The following NECTIN4 variants were observed in gnomAD, a reference collection of about 807,000 sequenced individuals.
The protein encoded by NECTIN4 is nectin cell adhesion molecule 4.
Under a neutral mutation model 51.7 loss-of-function variants are expected in NECTIN4, and 19 were observed. The ratio of observed to expected loss-of-function variants is 0.37; its 90% CI spans 0.26 to 0.54. The LOEUF (loss-of-function observed/expected upper bound fraction) is 0.54. Among genes scored for constraint, NECTIN4 ranks in the 20% least tolerant of loss-of-function variants. NECTIN4 has a pLI of 0.86. For missense variants in NECTIN4, 619 were observed against 662.4 expected (o/e 0.93, Z 0.72); for synonymous variants, 283 against 286.9 (o/e 0.99, Z 0.14).
In NECTIN4 at chr1:161,077,252, TAAGGACACAG is replaced by T. The variant is rs530451705; in HGVS notation, c.730+191_730+200del. ...AACAAGGCAATCTCCTTTGTAAAGA[TAAGGACACAG>T]AAGCTCAGAGAGGTCTATCCTCTGG... On this transcript the variant is annotated intron_variant, in intron 3 of 8. Transcript: ENST00000368012. Among the ~76,000 whole-genome samples, 365 of 152,318 alleles carry T rather than the reference TAAGGACACAG, an allele frequency of 2.4e-3. 2 individuals are homozygous for T. The highest frequency in any genetic ancestry group is 3.8e-3 in the Admixed American group (58 of 15,306).
chr1:161,075,133 C>T (rs756931931), intron 4 of NECTIN4, among the ~76,000 whole-genome samples: 1 of 152,198 alleles, frequency 6.6e-6, no homozygotes, highest in Non-Finnish European at 1.5e-5. Context: ...CTCCAACACC[C>T]GTGATGTTGC....
Position 161,072,096 on chromosome 1 carries a change from G to A in NECTIN4, c.*565C>T, listed in dbSNP as rs1288281063. 1 of 191,202 alleles carries A rather than the reference G, an allele frequency of 5.2e-6. No homozygotes were observed. The highest frequency in any genetic ancestry group is 2.3e-5 in the African/African-American group (1 of 42,966). 11.8% of individuals were successfully genotyped at this position (191,202 alleles called of 1,614,324 possible). A position where few individuals can be genotyped will look rare whatever the true frequency, so the allele number is the denominator to read the frequency against. Reference sequence around the variant, plus strand: ...TTGCCCCCATGGCTCCGAAGTGGTAGGAGACAGGTTCCCTCACACCGGAGG... The same window carrying A: ...TTGCCCCCATGGCTCCGAAGTGGTAAGAGACAGGTTCCCTCACACCGGAGG... On this transcript the variant is annotated 3_prime_UTR_variant, in exon 9 of 9. Transcript: ENST00000368012.
chr1:161,076,596 T>A, intron 3 of NECTIN4, 121 bp from the exon 4 acceptor site: 1 of 1,378,360 alleles, frequency 7.3e-7, no homozygotes, highest in Non-Finnish European at 1.0e-6. Flanking sequence ...TTCTCCATCC[T>A]ACTCATCTGC....
chr1:161,089,125 T>C lies in NECTIN4; in HGVS notation c.79+93A>G, dbSNP rs1654076298. The C allele has an allele frequency of 9.3e-7, 1 of 1,074,264 alleles. No homozygotes were observed. Among genetic ancestry groups the C allele is most frequent in the Admixed American group, 1.7e-5 (1 of 59,316 alleles). The allele number at this position is 1,074,264 out of a possible 1,614,324, so 66.5% of individuals were successfully genotyped here. On this transcript the variant is annotated intron_variant, in intron 1 of 8. Coordinates refer to ENST00000368012, the MANE Select transcript of NECTIN4 (RefSeq NM_030916.3). The surrounding 1 kb of genome is among the most constrained non-coding windows in gnomAD (Gnocchi z 4.1). ...AGAGTCAAAGAAAGGAGGATATGTG[T>C]GTGCGTGCGTGTGTGTCTATGTGTT...
chr1:161,074,308 T>G lies in NECTIN4; in HGVS notation c.1066A>C (p.Ile356Leu). 6.2e-7 allele frequency: 1 copy of G among 1,613,758 alleles called. No homozygotes were observed. Among genetic ancestry groups the G allele is most frequent in the Non-Finnish European group, 8.5e-7 (1 of 1,179,916 alleles). ...AGAAGGCAGAACAAGAGTGCGGCGA[T>G]CACACCCACCACCACCACCGAGGCT... is the stretch of plus-strand genomic sequence containing the variant. Reference protein sequence around the residue: ...VSASVVVVGVIAALLFCLLVV... With the variant: ...VSASVVVVGVLAALLFCLLVV... The change falls in exon 6 of 9, where the codon ATC becomes CTC. Residue 356 changes from isoleucine (I) to leucine (L), a missense_variant. Coordinates refer to ENST00000368012, the MANE Select transcript of NECTIN4 (RefSeq NM_030916.3).
At chr1:161,088,066 A>C (rs1406513106) in intron 1 of NECTIN4, among the ~76,000 whole-genome samples, 2 of 152,176 alleles carry the variant, frequency 1.3e-5, no homozygotes, top group Non-Finnish European at 2.9e-5. Context: ...AGGGGATGGC[A>C]GGGGTAGGAG....
chr1:161,084,597 A>G (rs2101676190), intron 1 of NECTIN4: 1 of 152,308 alleles, frequency 6.6e-6, no homozygotes, highest in East Asian at 1.9e-4. Flanking sequence ...GGAACTTGCC[A>G]TTAAGGACTC....
intron 1 of NECTIN4, chr1:161,084,734 G>T (rs1005881004): frequency 1.3e-5 from 2 of 152,286 alleles, no homozygotes; most frequent in East Asian, 3.9e-4. Flanking sequence ...GGCCCCCCAA[G>T]GAGGCCTCTC....
Position 161,074,371 on chromosome 1 carries a change from G to C in NECTIN4, c.1003C>G (p.Pro335Ala). Reference sequence around the variant, plus strand: ...ACCTGCTTCCCAGAGTCTTCCTGGGGGTCTGCTGGAGACAGGCCACTGTCT... The same window carrying C: ...ACCTGCTTCCCAGAGTCTTCCTGGGCGTCTGCTGGAGACAGGCCACTGTCT... Reference protein sequence around the residue: ...DSQVTVDVLDPQEDSGKQVDL... With the variant: ...DSQVTVDVLDAQEDSGKQVDL... Residue 335 changes from proline (P) to alanine (A), a missense_variant and splice_region_variant, in exon 6 of 9, where the codon CCC (proline) becomes GCC (alanine). Physicochemically the swap from Pro to Ala is conservative, Grantham distance 27 (BLOSUM62 -1). This residue lies in a region of NECTIN4 where 364 missense variants were observed against 415.7 expected (regional missense o/e 0.88). Coordinates refer to ENST00000368012, the MANE Select transcript of NECTIN4 (RefSeq NM_030916.3). 6.2e-7 allele frequency: 1 copy of C among 1,613,828 alleles called. No homozygotes were observed.
chr1:161,083,802 C>T (rs930890866), intron 1 of NECTIN4, among the ~76,000 whole-genome samples: 13 of 152,242 alleles, frequency 8.5e-5, no homozygotes, highest in African/African-American at 3.1e-4. Flanking sequence ...TTGTGTACCC[C>T]GCCCGCTCCC....
At chr1:161,084,892 G>C (rs1653863012) in intron 1 of NECTIN4, 1 of 151,908 alleles carries the variant, frequency 6.6e-6, no homozygotes, top group Non-Finnish European at 1.5e-5. Context: ...GGCTGTCTAG[G>C]GTCTCATGCT....
intron 6 of NECTIN4, 148 bp downstream of exon 6, chr1:161,074,069 C>T: frequency 1.0e-6 from 1 of 991,500 alleles, no homozygotes; most frequent in Non-Finnish European, 1.6e-6. Context: ...CTTAGCTCCT[C>T]CTCAGCCCTA....
rs1653290260 is a variant in NECTIN4 at position 161,073,744 on chromosome 1, G to A, written c.1209C>T (p.Ser403=). ...CCTGGCTCCTGGGGTCCGTGTGATG[G>A]GAATGCAGCCTCCGGATGGAGTTCT... ...TRENSIRRLH[S]HHTDPRSQPE... The change falls in exon 7 of 9, where the codon TCC becomes TCT. Residue 403 remains serine, a synonymous_variant. Coordinates refer to ENST00000368012, the MANE Select transcript of NECTIN4 (RefSeq NM_030916.3). The A allele has an allele frequency of 6.2e-7, 1 of 1,614,038 alleles. No homozygotes were observed. Among genetic ancestry groups the A allele is most frequent in the Admixed American group, 1.7e-5 (1 of 60,004 alleles).
At chr1:161,087,217 C>T (rs890865464) in intron 1 of NECTIN4, 1 of 152,086 alleles carries the variant, frequency 6.6e-6, no homozygotes, top group African/African-American at 2.4e-5. Flanking sequence ...GGAGGTAGGA[C>T]CATCTGATCC....
intron 1 of NECTIN4, among the ~76,000 whole-genome samples, chr1:161,083,094 C>G (rs1571157805): frequency 6.6e-6 from 1 of 152,166 alleles, no homozygotes; most frequent in East Asian, 1.9e-4. Flanking sequence ...CATGTTCTCA[C>G]CTGTGAGTCC....
Position 161,073,901 on chromosome 1 carries a change from G to T in NECTIN4, c.1158-106C>A, listed in dbSNP as rs144154290. 6.9e-6 allele frequency: 7 copies of T among 1,020,010 alleles called. 1 individual carries two copies. The East Asian group carries it at 9.9e-5, about 14-fold the overall frequency. 63.2% of individuals were successfully genotyped at this position (1,020,010 alleles called of 1,614,324 possible). ...GACAGGCCCGGAGGGTGTGGGTGCC[G>T]TGCTGGCCCTGCAAGTGTGAGTGTG... On this transcript the variant is annotated intron_variant, in intron 6 of 8. Transcript: ENST00000368012.
At chr1:161,088,603 C>T (rs1654051676) in intron 1 of NECTIN4, among the ~76,000 whole-genome samples, 1 of 152,064 alleles carries the variant, frequency 6.6e-6, no homozygotes, top group African/African-American at 2.4e-5. Context: ...CACCCTGGCA[C>T]CTAATATTGT....
intron 2 of NECTIN4, 104 bp from the exon 3 acceptor site, chr1:161,077,847 CT>C: frequency 7.9e-6 from 8 of 1,015,804 alleles, no homozygotes; most frequent in African/African-American, 1.6e-5. Context: ...TTCAGGCCCC[CT>C]TTCCTTCTCT....
chr1:161,072,518 G>T lies in NECTIN4; in HGVS notation c.*143C>A, dbSNP rs1653217817. On this transcript the variant is annotated 3_prime_UTR_variant, in exon 9 of 9. Transcript: ENST00000368012. ...TGGAGCCCTCCCGATGAACAGAAGG[G>T]TTGGAGGTAAAGGTCAAGCAGTCAG... 6.9e-6 allele frequency: 5 copies of T among 729,390 alleles called. No individual in the cohort carries two copies. Among genetic ancestry groups the T allele is most frequent in the Admixed American group, 6.0e-5 (3 of 49,746 alleles). 45.2% of individuals were successfully genotyped at this position (729,390 alleles called of 1,614,324 possible).
Sources: allele counts gnomAD v4.1 joint callset (sites outside exome capture counted in the v4.1 genomes callset), GRCh38; gene constraint gnomAD v4.1.1; regional missense constraint gnomAD v4.1.1; non-coding constraint Gnocchi (gnomAD v3.1); transcripts MANE v1.5; gene names NCBI Gene and HGNC (gene_info 2026-07-23, HGNC 2026-07-21).